The following ARHGAP44 variants were observed in gnomAD, a reference collection of about 807,000 sequenced individuals.
The protein encoded by ARHGAP44 is rho GTPase-activating protein 44.
A neutral mutation model predicts 106.8 loss-of-function variants in ARHGAP44; 43 were observed. The ratio of observed to expected loss-of-function variants is 0.40; its 90% CI spans 0.32 to 0.52. ARHGAP44 has a LOEUF of 0.52. ARHGAP44 is among the 20% of genes least tolerant of loss of function. The probability of loss-of-function intolerance (pLI) is 0.48; values close to 1 mark genes in which losing one functional copy is unlikely to be tolerated. For synonymous variants in ARHGAP44, 439 were observed against 410.3 expected (o/e 1.07, Z -0.85); for missense variants, 866 against 1,050.5 (o/e 0.82, Z 2.43).
intron 2 of ARHGAP44, among the ~76,000 whole-genome samples, 167 bp downstream of exon 2, chr17:12,895,146 A>C (rs1457757767): frequency 1.3e-5 from 2 of 151,936 alleles, no homozygotes; most frequent in African/African-American, 4.8e-5. Context: ...AACAAAAAAC[A>C]AACAAATAAA....
At chr17:12,870,247 A>G (rs1049746641) in intron 1 of ARHGAP44, among the ~76,000 whole-genome samples, 1 of 151,976 alleles carries the variant, frequency 6.6e-6, no homozygotes, top group African/African-American at 2.4e-5. Flanking sequence ...ACAGGGTCTC[A>G]TCATGTTCCC....
chr17:12,977,313 C>G (rs1179749013), intron 18 of ARHGAP44, among the ~76,000 whole-genome samples: 2 of 152,102 alleles, frequency 1.3e-5, no homozygotes, highest in Non-Finnish European at 2.9e-5. Flanking sequence ...TTGTTTGTTT[C>G]TGTTTCCTGG....
chr17:12,943,494 T>C (rs146486167), intron 8 of ARHGAP44, 94 bp from the exon 9 acceptor site: 49 of 1,143,302 alleles, frequency 4.3e-5, no homozygotes, highest in Non-Finnish European at 6.4e-5. Flanking sequence ...TCCTTCCGCA[T>C]GTGGAAGCAC....
In ARHGAP44 at chr17:12,931,841, TACACACACACACACACACACACACAC is replaced by T. The variant is rs10522083; in HGVS notation, c.582+2809_582+2834del. On this transcript the variant is annotated intron_variant, in intron 7 of 20. Transcript: ENST00000379672. ...ATTGCATGATATTCCACAGTAGGGATACACACACACACACACACACACACACACACACACACACATATCATGATTTA... is the reference window on the plus strand; with the variant it reads ...ATTGCATGATATTCCACAGTAGGGATACACACACACACATATCATGATTTA... 6.8e-4 allele frequency among the ~76,000 whole-genome samples: 100 copies of T among 146,410 alleles called. No homozygotes were observed. In the South Asian group the frequency reaches 0.022, roughly 33 times the overall value.
In ARHGAP44 at chr17:12,978,036, C is replaced by CAAAA. The variant is rs1157325814; in HGVS notation, c.1764-2005_1764-2002dup. 5.6e-3 allele frequency among the ~76,000 whole-genome samples: 499 copies of CAAAA among 89,252 alleles called. 26 individuals are homozygous for CAAAA. Among genetic ancestry groups the CAAAA allele is most frequent in the Non-Finnish European group, 8.0e-3 (405 of 50,756 alleles). The allele number at this position is 89,252 out of a possible 152,430, so 58.6% of individuals were successfully genotyped here. On this transcript the variant is annotated intron_variant, in intron 18 of 20. Transcript: ENST00000379672. Reference sequence around the variant, plus strand: ...TGGGCAACAGAGCAAGACTCCATCTCAAAAAAAAAAAAAAAAAAAAGTGTG... The same window carrying CAAAA: ...TGGGCAACAGAGCAAGACTCCATCTCAAAAAAAAAAAAAAAAAAAAAAAAGTGTG...
At chr17:12,968,604 CA>C (rs140174688) in intron 16 of ARHGAP44, among the ~76,000 whole-genome samples, 15,718 of 152,034 alleles carry the variant, frequency 0.1, 918 homozygotes, top group South Asian at 0.2. Context: ...AGCATTTTAG[CA>C]AGCCCCTATT....
chr17:12,868,273 C>CT (rs1056033079), intron 1 of ARHGAP44, among the ~76,000 whole-genome samples: 12 of 152,048 alleles, frequency 7.9e-5, no homozygotes, highest in Admixed American at 7.2e-4. Context: ...CTTATAGGGA[C>CT]ACCAGTCATA....
At chr17:12,816,925 A>G (rs981853470) in intron 1 of ARHGAP44, among the ~76,000 whole-genome samples, 1 of 152,192 alleles carries the variant, frequency 6.6e-6, no homozygotes, top group Admixed American at 6.5e-5. Flanking sequence ...ATTGGCATTT[A>G]TAGAATACTT....
At chr17:12,860,168 C>G (rs921237975) in intron 1 of ARHGAP44, among the ~76,000 whole-genome samples, 2 of 152,118 alleles carry the variant, frequency 1.3e-5, no homozygotes, top group Non-Finnish European at 2.9e-5. Flanking sequence ...TCCACAGACT[C>G]CAAATGCCAC....
intron 1 of ARHGAP44, among the ~76,000 whole-genome samples, chr17:12,799,327 C>T (rs1290616804): frequency 1.3e-5 from 2 of 152,194 alleles, no homozygotes; most frequent in Non-Finnish European, 2.9e-5. Context: ...TTCCTTTAAG[C>T]TCATGTGAAT....
chr17:12,830,559 A>G (rs186823765), intron 1 of ARHGAP44, among the ~76,000 whole-genome samples: 26 of 152,302 alleles, frequency 1.7e-4, no homozygotes, highest in African/African-American at 5.8e-4. Flanking sequence ...ATGAGGAATC[A>G]GGAAGATGTG....
At chr17:12,953,325 G>A (rs996473006) in intron 13 of ARHGAP44, among the ~76,000 whole-genome samples, 4 of 152,110 alleles carry the variant, frequency 2.6e-5, no homozygotes, top group Admixed American at 1.3e-4. Flanking sequence ...CTTCTTTACC[G>A]CTTTGTCTTG....
chr17:12,882,068 A>C (rs890132283), intron 1 of ARHGAP44, among the ~76,000 whole-genome samples: 1 of 152,100 alleles, frequency 6.6e-6, no homozygotes, highest in Admixed American at 6.6e-5. Flanking sequence ...TATTTAATTG[A>C]AGCTGCATTG....
chr17:12,797,278 G>A (rs1434221193), intron 1 of ARHGAP44, among the ~76,000 whole-genome samples: 1 of 151,976 alleles, frequency 6.6e-6, no homozygotes, highest in Admixed American at 6.5e-5. Context: ...TTTACCTTCA[G>A]ATCTCTAGTG....
rs1555546985 is a variant in ARHGAP44, at chr17:12,849,232, T to TGTGTGTGC, written c.54-45707_54-45706insTGTGTGCG. ...AGGTGGGCGTGTGTGTGTGTGTGTG[T>TGTGTGTGC]GCGCACACACACAGATTTTTCATAT... On this transcript the variant is annotated intron_variant, in intron 1 of 20. Coordinates refer to ENST00000379672, the MANE Select transcript of ARHGAP44 (RefSeq NM_014859.6). 2.8e-4 allele frequency among the ~76,000 whole-genome samples: 43 copies of TGTGTGTGC among 151,744 alleles called. 1 individual carries two copies. The highest frequency in any genetic ancestry group is 6.6e-4 in the Admixed American group (10 of 15,252).
chr17:12,990,467 C>A lies in ARHGAP44; in HGVS notation c.*296C>A. 1 of 343,558 alleles carries A rather than the reference C, an allele frequency of 2.9e-6. No individual in the cohort carries two copies. Among genetic ancestry groups the A allele is most frequent in the Non-Finnish European group, 5.7e-6 (1 of 176,046 alleles). 21.3% of individuals were successfully genotyped at this position (343,558 alleles called of 1,614,324 possible). ...CCTCCATGCCAGAAAACACCCACCT[C>A]TCCATCCAAGGCTGGTCAGGAACGT... is the stretch of plus-strand genomic sequence containing the variant. On this transcript the variant is annotated 3_prime_UTR_variant, in exon 21 of 21. Coordinates refer to ENST00000379672, the MANE Select transcript of ARHGAP44 (RefSeq NM_014859.6).
chr17:12,967,019 G>C (rs2039406899), intron 16 of ARHGAP44, among the ~76,000 whole-genome samples: 1 of 151,536 alleles, frequency 6.6e-6, no homozygotes, highest in African/African-American at 2.4e-5. Context: ...TTATATTTTG[G>C]CTTTTTTTTC....
In ARHGAP44 at chr17:12,884,302, T is replaced by G. The variant is rs368663783; in HGVS notation, c.54-10638T>G. Among the ~76,000 whole-genome samples the G allele has an allele frequency of 2.6e-5, 4 of 152,316 alleles. No individual in the cohort carries two copies. In the South Asian group the frequency reaches 6.2e-4, roughly 24 times the overall value. ...CTTTGTGCTATTTTTTCTATATTGC[T>G]TTATGCAGCACCATTTTTTGTTTTC... On this transcript the variant is annotated intron_variant, in intron 1 of 20. Transcript: ENST00000379672.
chr17:12,903,276 G>A (rs756718486), intron 3 of ARHGAP44, among the ~76,000 whole-genome samples: 129 of 151,936 alleles, frequency 8.5e-4, no homozygotes, highest in Middle Eastern at 3.4e-3. Flanking sequence ...GTTTTAGAGA[G>A]AATAGTCATC....
Sources: gnomAD v4.1 joint callset for allele counts (sites outside exome capture counted in the v4.1 genomes callset) on GRCh38, gnomAD v4.1.1 for gene constraint, MANE v1.5 for transcripts, NCBI Gene and HGNC (gene_info 2026-07-23, HGNC 2026-07-21) for gene names.